The following ALX1 variants were observed in gnomAD, a reference collection of about 807,000 sequenced individuals.
ALX1 encodes the protein ALX homeobox 1.
A neutral mutation model predicts 31.7 loss-of-function variants in ALX1; 19 were observed. The ratio of observed to expected loss-of-function variants is 0.60; its 90% CI spans 0.42 to 0.88. The LOEUF is 0.88. Ranked by LOEUF, ALX1 falls within the 40% of genes least tolerant of loss-of-function variation. The pLI is 0.00. For synonymous variants in ALX1, 153 were observed against 148.8 expected (o/e 1.03, Z -0.20); for missense variants, 415 against 407.8 (o/e 1.02, Z -0.15).
Position 85,280,628 on chromosome 12 carries a change from G to A in ALX1, c.226+141G>A, listed in dbSNP as rs527881274. ...AAGGTGGAGGAAGGTAGTGGAAGGT[G>A]CTCGCTTTATGAAGCGGTGTTACTG... is the stretch of plus-strand genomic sequence containing the variant. On this transcript the variant is annotated intron_variant, in intron 1 of 3. Transcript: ENST00000316824. 1.9e-5 allele frequency: 18 copies of A among 951,944 alleles called. No individual in the cohort carries two copies. The East Asian group carries it at 4.5e-4, about 24-fold the overall frequency. The allele number at this position is 951,944 out of a possible 1,614,324, so 59.0% of individuals were successfully genotyped here. A position where few individuals can be genotyped will look rare whatever the true frequency, so the allele number is the denominator to read the frequency against.
chr12:85,300,127 C>T (rs895456921), intron 3 of ALX1, among the ~76,000 whole-genome samples: 5 of 151,892 alleles, frequency 3.3e-5, no homozygotes, highest in South Asian at 4.1e-4. Flanking sequence ...TTCCCAGTAA[C>T]GTATGGGGTT....
chr12:85,286,776 G>T, intron 2 of ALX1, 77 bp from the exon 3 acceptor site: 4 of 1,304,762 alleles, frequency 3.1e-6, no homozygotes, highest in Non-Finnish European at 3.2e-6. Flanking sequence ...TACCTTTCTT[G>T]TTTGATGTCT....
At chr12:85,297,597 A>G (rs1896906995) in intron 3 of ALX1, among the ~76,000 whole-genome samples, 1 of 151,640 alleles carries the variant, frequency 6.6e-6, no homozygotes, top group Non-Finnish European at 1.5e-5. Context: ...TCTTATCACA[A>G]GAGGTAAACA....
intron 3 of ALX1, 99 bp downstream of exon 3, chr12:85,287,080 C>T (rs2137380548): frequency 3.2e-5 from 43 of 1,343,906 alleles, no homozygotes; most frequent in Non-Finnish European, 4.4e-5. Flanking sequence ...AAGATAATAG[C>T]CAAGAATGAA....
chr12:85,299,258 C>A (rs982579630), intron 3 of ALX1, among the ~76,000 whole-genome samples: 1 of 150,782 alleles, frequency 6.6e-6, no homozygotes, highest in Non-Finnish European at 1.5e-5. Context: ...AGGAAAATCA[C>A]GCAGATGAAG....
At chr12:85,283,507 T>A (rs1896706872) in intron 1 of ALX1, 65 bp from the exon 2 acceptor site, 3 of 1,516,354 alleles carry the variant, frequency 2.0e-6, no homozygotes, top group African/African-American at 2.7e-5. Flanking sequence ...TACTTCTACT[T>A]ATTGATTTAA....
chr12:85,298,744 G>C (rs1419213662), intron 3 of ALX1, among the ~76,000 whole-genome samples: 5 of 151,680 alleles, frequency 3.3e-5, no homozygotes, highest in Non-Finnish European at 7.4e-5. Flanking sequence ...TACTTTACCA[G>C]TCTGTTCTGC....
At position 85,301,752 on chromosome 12, in the gene ALX1, G is replaced by A. The variant is rs1166829237; in HGVS notation, c.*277G>A. On this transcript the variant is annotated 3_prime_UTR_variant, in exon 4 of 4. Transcript: ENST00000316824. ...GTACAAGTCAATGAAATATGATCAC[G>A]CAACTTATTAAAGAATAAATGTGTT... The A allele has an allele frequency of 4.7e-5, 20 of 428,902 alleles. 1 individual carries two copies. Among genetic ancestry groups the A allele is most frequent in the South Asian group, 4.2e-4 (12 of 28,736 alleles). 26.6% of individuals were successfully genotyped at this position (428,902 alleles called of 1,614,324 possible). A position where few individuals can be genotyped will look rare whatever the true frequency, so the allele number is the denominator to read the frequency against.
intron 2 of ALX1, among the ~76,000 whole-genome samples, chr12:85,286,119 G>A (rs750476935): frequency 2.6e-5 from 4 of 151,734 alleles, no homozygotes; most frequent in African/African-American, 4.8e-5. Context: ...GAGAAATTAC[G>A]TAAAGATATC....
At chr12:85,289,040 C>T (rs1896784026) in intron 3 of ALX1, among the ~76,000 whole-genome samples, 1 of 151,348 alleles carries the variant, frequency 6.6e-6, no homozygotes, top group South Asian at 2.1e-4. Context: ...TATTCCACAA[C>T]ACTTGACTAT....
At chr12:85,290,355 C>A in intron 3 of ALX1, among the ~76,000 whole-genome samples, 1 of 151,000 alleles carries the variant, frequency 6.6e-6, no homozygotes, top group Admixed American at 6.6e-5. Flanking sequence ...GCTCAGGAGC[C>A]CAAAGATCTT....
At chr12:85,284,280 A>T (rs1240614830) in intron 2 of ALX1, among the ~76,000 whole-genome samples, 9 of 147,950 alleles carry the variant, frequency 6.1e-5, no homozygotes, top group African/African-American at 2.0e-4. Context: ...TATATCAGGT[A>T]TTTGTAAATT....
chr12:85,299,666 C>T lies in ALX1; in HGVS notation c.661-1489C>T, dbSNP rs11116778. 4.3e-3 allele frequency among the ~76,000 whole-genome samples: 657 copies of T among 151,842 alleles called. 7 individuals carry two copies. The highest frequency in any genetic ancestry group is 0.015 in the African/African-American group (612 of 41,478). ...ATTACTTATTAAGGTTTTTCTCTTACGTTTTGAACCTGGTTAATCAGTCCT... is the reference window on the plus strand; with the variant it reads ...ATTACTTATTAAGGTTTTTCTCTTATGTTTTGAACCTGGTTAATCAGTCCT... On this transcript the variant is annotated intron_variant, in intron 3 of 3. Transcript: ENST00000316824.
At chr12:85,296,317 T>C (rs112737404) in intron 3 of ALX1, among the ~76,000 whole-genome samples, 4,646 of 151,750 alleles carry the variant, frequency 0.031, 89 homozygotes, top group Non-Finnish European at 0.046. Flanking sequence ...TTTATGTTAA[T>C]ATATATTTAT....
Position 85,290,373 on chromosome 12 carries a change from CA to C in ALX1, c.660+3393del, listed in dbSNP as rs199916018. Among the ~76,000 whole-genome samples, 29 of 151,098 alleles carry C rather than the reference CA, an allele frequency of 1.9e-4. No individual in the cohort carries two copies. The East Asian group carries it at 5.4e-3, about 28-fold the overall frequency. On this transcript the variant is annotated intron_variant, in intron 3 of 3. Transcript: ENST00000316824. Reference sequence around the variant, plus strand: ...CAGGAGCCCAAAGATCTTTATGTAACATTATCTCTTTAATTCATCACTGAAG... The same window carrying C: ...CAGGAGCCCAAAGATCTTTATGTAACTTATCTCTTTAATTCATCACTGAAG...
At chr12:85,298,065 A>C (rs1445014752) in intron 3 of ALX1, among the ~76,000 whole-genome samples, 1 of 151,722 alleles carries the variant, frequency 6.6e-6, no homozygotes, top group East Asian at 1.9e-4. Flanking sequence ...AGTTGTGAGA[A>C]ATAATTGTGG....
intron 2 of ALX1, 69 bp from the exon 3 acceptor site, chr12:85,286,784 T>A (rs1057393103): frequency 5.2e-6 from 7 of 1,358,764 alleles, no homozygotes; most frequent in Non-Finnish European, 7.1e-6. Flanking sequence ...TTGTTTGATG[T>A]CTTTTAACAT....
rs1276308792 is a variant in ALX1, at chr12:85,298,475, A to G, written c.661-2680A>G. On this transcript the variant is annotated intron_variant, in intron 3 of 3. Transcript: ENST00000316824. ...AGTAAAATCACAATATACCGAGGAT[A>G]TTATCTTTTATGAGTTGCATCTAAA... Among the ~76,000 whole-genome samples, 5 of 151,864 alleles carry G rather than the reference A, an allele frequency of 3.3e-5. No homozygotes were observed. The East Asian group carries it at 9.7e-4, about 29-fold the overall frequency.
At chr12:85,300,402 G>A (rs1318800318) in intron 3 of ALX1, among the ~76,000 whole-genome samples, 2 of 151,778 alleles carry the variant, frequency 1.3e-5, no homozygotes, top group African/African-American at 4.8e-5. Flanking sequence ...CTCATCTGAT[G>A]TTTTTGCTAA....
Sources: gnomAD v4.1 joint callset for allele counts (sites outside exome capture counted in the v4.1 genomes callset) on GRCh38, gnomAD v4.1.1 for gene constraint, MANE v1.5 for transcripts, NCBI Gene and HGNC (gene_info 2026-07-23, HGNC 2026-07-21) for gene names.